Variants in ZNF385D observed in about 807,000 individuals in gnomAD.
The protein encoded by ZNF385D is zinc finger protein 659.
A neutral mutation model predicts 35.8 loss-of-function variants in ZNF385D; 15 were observed. The ratio of observed to expected loss-of-function variants is 0.42; its 90% confidence interval spans 0.28 to 0.64. The LOEUF (loss-of-function observed/expected upper bound fraction) is 0.64, where lower values mean the gene tolerates loss of function less well. Ranked by LOEUF, ZNF385D falls within the 30% of genes least tolerant of loss-of-function variation. The pLI is 0.23. For missense variants in ZNF385D, 474 were observed against 494.6 expected, an observed-to-expected ratio of 0.96 and a Z score of 0.39; for synonymous variants, 212 against 186.8, an observed-to-expected ratio of 1.13 and a Z score of -1.10.
chr3:21,464,286 T>C (rs1363362237), intron 4 of ZNF385D, among the ~76,000 whole-genome samples: 3 of 152,348 alleles, frequency 2.0e-5, no homozygotes, highest in East Asian at 1.9e-4. Context: ...TGTAATGTTA[T>C]ATTCTCAAAT....
intron 3 of ZNF385D, among the ~76,000 whole-genome samples, chr3:22,009,851 TTATAAA>T (rs58821485): frequency 0.16 from 24,935 of 151,828 alleles, 2,175 homozygotes; most frequent in Non-Finnish European, 0.19. Context: ...TTAAGAGTAG[TTATAAA>T]TATATAGATT....
chr3:21,488,156 C>T (rs1705168241), intron 4 of ZNF385D, among the ~76,000 whole-genome samples: 2 of 151,674 alleles, frequency 1.3e-5, no homozygotes, highest in South Asian at 4.2e-4. Flanking sequence ...TTATATGTCT[C>T]GTTCCTTTCT....
chr3:22,295,386 C>A (rs1318646107), intron 2 of ZNF385D, among the ~76,000 whole-genome samples: 1 of 152,252 alleles, frequency 6.6e-6, no homozygotes, highest in South Asian at 2.1e-4. Flanking sequence ...GACAGTGCCA[C>A]CTCACATGCC....
intron 3 of ZNF385D, chr3:21,942,509 G>C (rs188472486): frequency 7.9e-4 from 121 of 152,324 alleles, no homozygotes; most frequent in African/African-American, 2.8e-3. Context: ...AAGCGCTGCA[G>C]AAACAGCCAC....
intron 3 of ZNF385D, among the ~76,000 whole-genome samples, chr3:21,533,474 C>T (rs767101732): frequency 1.1e-4 from 16 of 152,010 alleles, no homozygotes; most frequent in African/African-American, 2.4e-4. Flanking sequence ...TCCTATAGAA[C>T]GAAAACCTTT....
At chr3:21,533,957 C>A (rs2061980807) in intron 3 of ZNF385D, among the ~76,000 whole-genome samples, 1 of 151,930 alleles carries the variant, frequency 6.6e-6, no homozygotes, top group Admixed American at 6.6e-5. Context: ...TAAGTATGAA[C>A]AATTTTTCTA....
At chr3:22,078,310 C>T (rs533108041) in intron 3 of ZNF385D, among the ~76,000 whole-genome samples, 61 of 152,068 alleles carry the variant, frequency 4.0e-4, no homozygotes, top group Non-Finnish European at 7.4e-4. Flanking sequence ...TGAATGACTG[C>T]ATCGCATTGC....
At chr3:22,075,658 C>T (rs2125571720) in intron 3 of ZNF385D, among the ~76,000 whole-genome samples, 1 of 152,000 alleles carries the variant, frequency 6.6e-6, no homozygotes, top group South Asian at 2.1e-4. Flanking sequence ...CTTGAGTTCT[C>T]TTTTCTTTCT....
intron 3 of ZNF385D, among the ~76,000 whole-genome samples, chr3:21,773,023 G>A (rs927815528): frequency 4.6e-5 from 7 of 151,858 alleles, no homozygotes; most frequent in Admixed American, 3.3e-4. Flanking sequence ...GAGACAGTAA[G>A]TAGAATGGTG....
chr3:22,074,390 A>G (rs757674929), intron 3 of ZNF385D, among the ~76,000 whole-genome samples: 4 of 151,954 alleles, frequency 2.6e-5, no homozygotes, highest in African/African-American at 4.8e-5. Flanking sequence ...AGAGAAGCCA[A>G]CTCTTAATTT....
At chr3:21,798,787 C>T (rs2072268160) in intron 3 of ZNF385D, among the ~76,000 whole-genome samples, 2 of 152,078 alleles carry the variant, frequency 1.3e-5, no homozygotes, top group African/African-American at 2.4e-5. Context: ...TTAGAATTCT[C>T]AGTGATACTT....
chr3:22,067,143 T>A (rs967836855), intron 3 of ZNF385D, among the ~76,000 whole-genome samples: 1 of 152,172 alleles, frequency 6.6e-6, no homozygotes, highest in Admixed American at 6.5e-5. Context: ...AAAGAGAATA[T>A]GGAAAGAAAG....
chr3:22,171,387 G>C (rs747815949), intron 2 of ZNF385D, among the ~76,000 whole-genome samples: 26 of 152,114 alleles, frequency 1.7e-4, no homozygotes, highest in Non-Finnish European at 1.2e-4. Flanking sequence ...AAGCCTCTGA[G>C]ATTTATTTGC....
intron 3 of ZNF385D, among the ~76,000 whole-genome samples, chr3:22,130,698 G>A (rs13319971): frequency 0.17 from 25,441 of 152,030 alleles, 2,622 homozygotes; most frequent in Middle Eastern, 0.24. Context: ...GGAGAGGGGC[G>A]GTGTAGACAA....
intron 5 of ZNF385D, among the ~76,000 whole-genome samples, chr3:21,428,938 T>TC (rs1701151744): frequency 1.4e-5 from 2 of 146,530 alleles, no homozygotes; most frequent in African/African-American, 5.0e-5. Flanking sequence ...AAATCCTTTT[T>TC]TTTTTTTGCT....
At chr3:22,353,371 G>A (rs1025561269) in intron 2 of ZNF385D, among the ~76,000 whole-genome samples, 1 of 152,150 alleles carries the variant, frequency 6.6e-6, no homozygotes, top group Non-Finnish European at 1.5e-5. Context: ...TTGTCATCCA[G>A]GTCAGTGGTT....
chr3:21,799,129 A>C (rs1213949104), intron 3 of ZNF385D, among the ~76,000 whole-genome samples: 6 of 152,006 alleles, frequency 3.9e-5, no homozygotes, highest in African/African-American at 2.4e-5. Flanking sequence ...CATGTACTTG[A>C]TTTTCATTCA....
At chr3:22,243,032 T>C (rs896926724) in intron 2 of ZNF385D, among the ~76,000 whole-genome samples, 4 of 151,050 alleles carry the variant, frequency 2.6e-5, no homozygotes, top group African/African-American at 9.8e-5. Context: ...ACACAGTAGA[T>C]AAATTGGACT....
At chr3:21,964,744 G>A (rs2127523) in intron 3 of ZNF385D, among the ~76,000 whole-genome samples, 21,112 of 151,302 alleles carry the variant, frequency 0.14, 3,543 homozygotes, top group African/African-American at 0.41. Context: ...CACCTGCCTC[G>A]ACCTCCCAAA....
Sources: gnomAD v4.1 joint callset for allele counts (sites outside exome capture counted in the v4.1 genomes callset) on GRCh38, gnomAD v4.1.1 for gene constraint, MANE v1.5 for transcripts, NCBI Gene and HGNC (gene_info 2026-07-23, HGNC 2026-07-21) for gene names.